The following SLC5A10 variants were observed in gnomAD, a reference collection of about 807,000 sequenced individuals.
The protein encoded by SLC5A10 is solute carrier family 5 member 10, also known as sodium/mannose cotransporter SLC5A10.
Under a neutral mutation model 68.9 loss-of-function variants are expected in SLC5A10, and 55 were observed. The observed-to-expected ratio is 0.80, with a 90% CI of 0.64 to 1.00. The LOEUF is 1.00. SLC5A10 is among the 50% of genes least tolerant of loss of function. The pLI is 0.00. For missense variants in SLC5A10, 732 were observed against 819.3 expected, an observed-to-expected ratio of 0.89 and a Z score of 1.30; for synonymous variants, 344 against 344.8, an observed-to-expected ratio of 1.00 and a Z score of 0.02.
At chr17:18,959,075 C>T (rs964881666) in intron 2 of SLC5A10, 60 bp from the exon 3 acceptor site, 70 of 1,526,756 alleles carry the variant, frequency 4.6e-5, no homozygotes, top group Non-Finnish European at 5.9e-5. Flanking sequence ...AGCTATTAGG[C>T]CCAGGATGGG....
rs371100508 is a variant in SLC5A10, at chr17:19,003,852, G to A, written c.983-9558G>A. Reference sequence around the variant, plus strand: ...TCGATGGTCTCCAGGATGCGCTTGAGCTCCAGCTCCGAGAGGAAGTCTCGG... The same window carrying A: ...TCGATGGTCTCCAGGATGCGCTTGAACTCCAGCTCCGAGAGGAAGTCTCGG... On this transcript the variant is annotated intron_variant, in intron 9 of 14. Transcript: ENST00000395645. The surrounding 1 kb of genome is among the most constrained non-coding windows in gnomAD (Gnocchi z 4.5). 56 of 1,612,932 alleles carry A rather than the reference G, an allele frequency of 3.5e-5. No individual in the cohort carries two copies. Among genetic ancestry groups the A allele is most frequent in the Non-Finnish European group, 4.6e-5 (54 of 1,179,940 alleles).
rs1010568574 is a variant in SLC5A10 at position 18,996,375 on chromosome 17, T to C, written c.983-17035T>C. On this transcript the variant is annotated intron_variant, in intron 9 of 14. Transcript: ENST00000395645. The surrounding 1 kb of genome is among the most constrained non-coding windows in gnomAD (Gnocchi z 4.4). The stretch of plus-strand genomic sequence containing the variant: ...CACTCCCCCTCCCCTCCTCCTCCCC[T>C]CCAGGGGGCTGGCAGAATTAGTGAC... Among the ~76,000 whole-genome samples the C allele has an allele frequency of 6.6e-6, 1 of 151,808 alleles. No individual in the cohort carries two copies. The highest frequency in any genetic ancestry group is 2.4e-5 in the African/African-American group (1 of 41,276).
intron 9 of SLC5A10, among the ~76,000 whole-genome samples, chr17:19,008,539 G>C (rs1404072556): frequency 5.4e-5 from 8 of 147,288 alleles, no homozygotes; most frequent in Non-Finnish European, 1.2e-4. Flanking sequence ...TTGCACTGTT[G>C]CCCAGGCTGG....
rs192716339 is a variant in SLC5A10, at chr17:18,988,725, A to G, written c.982+11736A>G. ...ATGCTGAGATGAACCTGATGTGTCAATGACCGGAAGGGCAGCAGCTGGCGT... is the reference window on the plus strand; with the variant it reads ...ATGCTGAGATGAACCTGATGTGTCAGTGACCGGAAGGGCAGCAGCTGGCGT... On this transcript the variant is annotated intron_variant, in intron 9 of 14. Coordinates refer to ENST00000395645, the MANE Select transcript of SLC5A10 (RefSeq NM_001042450.4). 2.4e-4 allele frequency among the ~76,000 whole-genome samples: 36 copies of G among 152,344 alleles called. 1 individual carries two copies. The highest frequency in any genetic ancestry group is 7.5e-4 in the African/African-American group (31 of 41,584).
At chr17:19,008,501 A>G (rs1490344442) in intron 9 of SLC5A10, among the ~76,000 whole-genome samples, 1 of 141,654 alleles carries the variant, frequency 7.1e-6, no homozygotes, top group African/African-American at 2.6e-5. Context: ...AGCCTCACAG[A>G]TTTTTTTTTT....
At position 19,017,414 on chromosome 17, in the gene SLC5A10, A is replaced by G. The variant is rs1222625979; in HGVS notation, c.1242-2009A>G. 9.7e-6 allele frequency: 15 copies of G among 1,546,378 alleles called. No homozygotes were observed. Among genetic ancestry groups the G allele is most frequent in the East Asian group, 2.4e-5 (1 of 40,886 alleles). Reference sequence around the variant, plus strand: ...TCTCTGGTAGGGTGAATGGCCTGACAACAGTCTCTGTCAGGGAGAGGCGAG... The same window carrying G: ...TCTCTGGTAGGGTGAATGGCCTGACGACAGTCTCTGTCAGGGAGAGGCGAG... On this transcript the variant is annotated intron_variant, in intron 11 of 14. Coordinates refer to ENST00000395645, the MANE Select transcript of SLC5A10 (RefSeq NM_001042450.4). The surrounding 1 kb of genome is among the most constrained non-coding windows in gnomAD (Gnocchi z 5.6).
Position 18,959,199 on chromosome 17 carries a change from G to A in SLC5A10, c.248G>A (p.Gly83Asp), listed in dbSNP as rs1309816493. Residue 83 changes from glycine (G) to aspartate (D), a missense_variant, in exon 3 of 15, where the codon GGC (glycine) becomes GAC (aspartate). Gly to Asp is a moderately conservative substitution (Grantham distance 94). Transcript: ENST00000395645. Reference sequence around the variant, plus strand: ...CTCTTCATTGGACTGGCGGGCTCAGGCGCGGCAGGAGGTCTGGCCGTGGCA... The same window carrying A: ...CTCTTCATTGGACTGGCGGGCTCAGACGCGGCAGGAGGTCTGGCCGTGGCA... ...SGLFIGLAGS[G>D]AAGGLAVAGF... The A allele has an allele frequency of 6.2e-7, 1 of 1,613,396 alleles. No individual in the cohort carries two copies. The highest frequency in any genetic ancestry group is 8.5e-7 in the Non-Finnish European group (1 of 1,180,008).
chr17:18,971,058 C>T lies in SLC5A10; in HGVS notation c.686C>T (p.Ala229Val). The T allele has an allele frequency of 6.2e-7, 1 of 1,614,028 alleles. No individual in the cohort carries two copies. The highest frequency in any genetic ancestry group is 8.5e-7 in the Non-Finnish European group (1 of 1,180,022). Reference protein sequence around the residue: ...GGYGQLEAAYAQAIPSRTIAN... With the variant: ...GGYGQLEAAYVQAIPSRTIAN... ...TACGGGCAGCTGGAGGCAGCCTACG[C>T]CCAGGCCATTCCCTCCAGGACCATT... The change falls in exon 8 of 15, where the codon GCC becomes GTC. Residue 229 changes from alanine to valine, a missense_variant. Ala to Val is a moderately conservative substitution (Grantham distance 64). Coordinates refer to ENST00000395645, the MANE Select transcript of SLC5A10 (RefSeq NM_001042450.4). The surrounding 1 kb of genome is among the most constrained non-coding windows in gnomAD (Gnocchi z 5.5).
At position 19,017,426 on chromosome 17, in the gene SLC5A10, C is replaced by T; in HGVS notation, c.1242-1997C>T. ...TGAATGGCCTGACAACAGTCTCTGT[C>T]AGGGAGAGGCGAGGCTTACAGAGAG... On this transcript the variant is annotated intron_variant, in intron 11 of 14. Coordinates refer to ENST00000395645, the MANE Select transcript of SLC5A10 (RefSeq NM_001042450.4). This position sits in a 1 kb window ranked among gnomAD's most constrained non-coding sequence, Gnocchi z 5.6. The T allele has an allele frequency of 1.3e-6, 2 of 1,537,842 alleles. No homozygotes were observed. Among genetic ancestry groups the T allele is most frequent in the Non-Finnish European group, 1.8e-6 (2 of 1,134,422 alleles).
In SLC5A10 at chr17:19,021,562, G is replaced by A. The variant is rs1176840986; in HGVS notation, c.*1131G>A. 1 of 355,890 alleles carries A rather than the reference G, an allele frequency of 2.8e-6. No individual in the cohort carries two copies. Among genetic ancestry groups the A allele is most frequent in the Non-Finnish European group, 5.0e-6 (1 of 198,574 alleles). The allele number at this position is 355,890 out of a possible 1,614,324, so 22.0% of individuals were successfully genotyped here. On this transcript the variant is annotated 3_prime_UTR_variant, in exon 15 of 15. Coordinates refer to ENST00000395645, the MANE Select transcript of SLC5A10 (RefSeq NM_001042450.4). This position sits in a 1 kb window ranked among gnomAD's most constrained non-coding sequence, Gnocchi z 4.1. Reference sequence around the variant, plus strand: ...GGCAGGCAGGCCCAGTGGGTGGTCAGCCCAAGGTGAACCCACCCACCATGG... The same window carrying A: ...GGCAGGCAGGCCCAGTGGGTGGTCAACCCAAGGTGAACCCACCCACCATGG...
In SLC5A10 at chr17:18,968,995, G is replaced by A. The variant is rs2042769325; in HGVS notation, c.454-57G>A. ...GGCCTTGCCCGAGGTCACCCAGGGA[G>A]TGGCTTGCTGGAGCCCTGGGAATAA... On this transcript the variant is annotated intron_variant, in intron 5 of 14. Transcript: ENST00000395645. This position sits in a 1 kb window ranked among gnomAD's most constrained non-coding sequence, Gnocchi z 4.1. The A allele has an allele frequency of 2.6e-6, 4 of 1,541,894 alleles. No homozygotes were observed. The highest frequency in any genetic ancestry group is 1.4e-5 in the African/African-American group (1 of 73,694).
In SLC5A10 at chr17:19,017,579, C is replaced by G. The variant is rs1005190547; in HGVS notation, c.1242-1844C>G. 8 of 587,194 alleles carry G rather than the reference C, an allele frequency of 1.4e-5. No individual in the cohort carries two copies. In the African/African-American group the frequency reaches 1.5e-4, roughly 11 times the overall value. The allele number at this position is 587,194 out of a possible 1,614,324, so 36.4% of individuals were successfully genotyped here. ...GGAGCCGTCACAGGCTGGGGGAGAG[C>G]GATGACCCGCCCCCACTCCCGTATG... is the stretch of plus-strand genomic sequence containing the variant. On this transcript the variant is annotated intron_variant, in intron 11 of 14. Transcript: ENST00000395645. This position sits in a 1 kb window ranked among gnomAD's most constrained non-coding sequence, Gnocchi z 5.6.
intron 5 of SLC5A10, among the ~76,000 whole-genome samples, chr17:18,967,611 G>A (rs2042737703): frequency 6.6e-6 from 1 of 152,234 alleles, no homozygotes; most frequent in African/African-American, 2.4e-5. Context: ...TCCAGCAGGA[G>A]TCTGGAGCAG....
intron 9 of SLC5A10, chr17:18,979,510 G>A (rs570587608): frequency 3.1e-6 from 5 of 1,608,394 alleles, no homozygotes; most frequent in East Asian, 2.2e-5. Context: ...GGAGCCAGAG[G>A]TACCTCTCGC....
chr17:18,977,911 G>T, intron 9 of SLC5A10: 2 of 1,610,222 alleles, frequency 1.2e-6, no homozygotes, highest in Admixed American at 3.3e-5. Flanking sequence ...TTACGTAGTC[G>T]TCATCATCTT....
upstream of SLC5A10, among the ~76,000 whole-genome samples, chr17:18,951,473 T>C (rs2042367437): frequency 6.6e-6 from 1 of 152,268 alleles, no homozygotes; most frequent in Admixed American, 6.5e-5. Flanking sequence ...TGGGATCATG[T>C]GCAGAACAGC....
chr17:18,977,499 G>T, intron 9 of SLC5A10: 2 of 1,319,830 alleles, frequency 1.5e-6, no homozygotes, highest in East Asian at 2.3e-5. Flanking sequence ...CAGGGACATG[G>T]TAGCCCAGAA....
At chr17:18,973,354 A>G (rs1232762562) in intron 8 of SLC5A10, among the ~76,000 whole-genome samples, 1 of 152,236 alleles carries the variant, frequency 6.6e-6, no homozygotes, top group East Asian at 1.9e-4. Flanking sequence ...AAGGAGCCCG[A>G]GGCCCAGAGA....
intron 9 of SLC5A10, among the ~76,000 whole-genome samples, chr17:19,009,402 A>AT (rs1330310680): frequency 2.0e-5 from 3 of 151,260 alleles, no homozygotes; most frequent in African/African-American, 7.4e-5. Context: ...TTGTTGTTTA[A>AT]TTGAGATGGG....
Sources: gnomAD v4.1 joint callset for allele counts (sites outside exome capture counted in the v4.1 genomes callset) on GRCh38, gnomAD v4.1.1 for gene constraint, Gnocchi (gnomAD v3.1) non-coding constraint, MANE v1.5 for transcripts, NCBI Gene and HGNC (gene_info 2026-07-23, HGNC 2026-07-21) for gene names.